LIFR: variants seen among roughly 807,000 people sequenced by gnomAD.
LIFR encodes leukemia inhibitory factor receptor.
LIFR carries 84 observed loss-of-function variants against 122.2 expected under a neutral mutation model. The observed-to-expected ratio is 0.69, with a 90% CI of 0.58 to 0.82. The LOEUF (loss-of-function observed/expected upper bound fraction) is 0.82. Ranked by LOEUF, LIFR falls within the 40% of genes least tolerant of loss-of-function variation. The pLI is 0.00. For synonymous variants in LIFR, 422 were observed against 434.7 expected, an observed-to-expected ratio of 0.97 and a Z score of 0.36; for missense variants, 1,294 against 1,311.6, an observed-to-expected ratio of 0.99 and a Z score of 0.21.
upstream of LIFR, among the ~76,000 whole-genome samples, chr5:38,599,351 T>C (rs1487962697): frequency 6.6e-6 from 1 of 152,170 alleles, no homozygotes; most frequent in African/African-American, 2.4e-5. Context: ...GCACCATTAC[T>C]GAAAGGGTCA....
chr5:38,547,000 G>A (rs756170129), intron 1 of LIFR, among the ~76,000 whole-genome samples: 6 of 152,174 alleles, frequency 3.9e-5, no homozygotes, highest in Admixed American at 6.5e-5. Flanking sequence ...TTGCTCTCCA[G>A]TCACCATTAC....
intron 1 of LIFR, among the ~76,000 whole-genome samples, chr5:38,576,708 A>G (rs779618420): frequency 1.3e-5 from 2 of 152,248 alleles, no homozygotes; most frequent in Non-Finnish European, 2.9e-5. Context: ...AGGTATCACA[A>G]TAGTGTCAGC....
chr5:38,564,823 G>A (rs1392519518), intron 1 of LIFR, among the ~76,000 whole-genome samples: 1 of 151,532 alleles, frequency 6.6e-6, no homozygotes, highest in East Asian at 1.9e-4. Flanking sequence ...ACCCAGGCTG[G>A]AGTGCAGTGG....
chr5:38,493,920 C>T (rs1017348347), intron 13 of LIFR, 135 bp from the exon 14 acceptor site: 1 of 735,204 alleles, frequency 1.4e-6, no homozygotes. Flanking sequence ...CTAGATAAAC[C>T]TAGAGCAAAG....
upstream of LIFR, chr5:38,557,298 A>T (rs1052943490): frequency 1.3e-5 from 2 of 152,088 alleles, no homozygotes; most frequent in African/African-American, 4.8e-5. Context: ...GAAGAAACGG[A>T]TCTCTTAATG....
intron 18 of LIFR, among the ~76,000 whole-genome samples, chr5:38,483,976 C>A (rs1040293091): frequency 6.6e-6 from 1 of 152,174 alleles, no homozygotes; most frequent in East Asian, 1.9e-4. Flanking sequence ...CTCTCTCCCA[C>A]GGAGCTCCCG....
chr5:38,555,652 A>G (rs575191818), intron 1 of LIFR, among the ~76,000 whole-genome samples: 1 of 150,734 alleles, frequency 6.6e-6, no homozygotes, highest in African/African-American at 2.4e-5. Flanking sequence ...ACATTCAAAA[A>G]GGAACACAAA....
chr5:38,500,082 C>T (rs1478437965), intron 11 of LIFR, among the ~76,000 whole-genome samples: 1 of 152,190 alleles, frequency 6.6e-6, no homozygotes, highest in African/African-American at 2.4e-5. Flanking sequence ...TTCACCCCCT[C>T]CTTATCCCTC....
intron 12 of LIFR, among the ~76,000 whole-genome samples, chr5:38,499,107 G>A (rs188939589): frequency 3.3e-5 from 5 of 151,878 alleles, no homozygotes; most frequent in Admixed American, 6.6e-5. Flanking sequence ...CTTTATAACT[G>A]GCATGTTATA....
intron 1 of LIFR, among the ~76,000 whole-genome samples, chr5:38,572,724 T>C (rs1407853751): frequency 6.6e-6 from 1 of 152,200 alleles, no homozygotes; most frequent in African/African-American, 2.4e-5. Flanking sequence ...TTGCCATGGT[T>C]GTTAACAATA....
intron 1 of LIFR, among the ~76,000 whole-genome samples, chr5:38,588,445 A>G (rs1190255197): frequency 6.6e-6 from 1 of 152,190 alleles, no homozygotes; most frequent in Non-Finnish European, 1.5e-5. Context: ...AAATACTTTT[A>G]TTGACCTCAT....
chr5:38,542,819 C>T (rs775899743), intron 1 of LIFR, among the ~76,000 whole-genome samples: 26 of 152,282 alleles, frequency 1.7e-4, no homozygotes, highest in Middle Eastern at 3.4e-3. Flanking sequence ...AATATCAACT[C>T]GTCCTTCAAA....
At chr5:38,484,294 C>G (rs1291974312) in intron 18 of LIFR, among the ~76,000 whole-genome samples, 1 of 152,186 alleles carries the variant, frequency 6.6e-6, no homozygotes, top group Admixed American at 6.5e-5. Flanking sequence ...TGTCCCTCTT[C>G]CCACACTGTG....
chr5:38,567,289 C>A (rs1749054501), intron 1 of LIFR, among the ~76,000 whole-genome samples: 1 of 152,048 alleles, frequency 6.6e-6, no homozygotes, highest in African/African-American at 2.4e-5. Context: ...GGAGACAGAC[C>A]AAATTCTGGG....
chr5:38,597,914 A>C (rs557400734), upstream of LIFR, among the ~76,000 whole-genome samples: 3 of 152,316 alleles, frequency 2.0e-5, no homozygotes, highest in East Asian at 5.8e-4. Flanking sequence ...CATAAAGCAC[A>C]TACAGTGCAT....
intron 1 of LIFR, among the ~76,000 whole-genome samples, chr5:38,573,221 A>G (rs369735163): frequency 6.6e-6 from 1 of 152,240 alleles, no homozygotes; most frequent in African/African-American, 2.4e-5. Flanking sequence ...TCTGGAAGCT[A>G]GAAGTAGCCA....
chr5:38,493,204 G>C (rs1455056826), intron 14 of LIFR, among the ~76,000 whole-genome samples: 1 of 151,612 alleles, frequency 6.6e-6, no homozygotes. Flanking sequence ...CCAGGCTACA[G>C]TTCCGTAGTT....
At position 38,506,525 on chromosome 5, in the gene LIFR, T is replaced by C. The variant is rs1580063331; in HGVS notation, c.1099A>G (p.Thr367Ala). 8 of 1,614,144 alleles carry C rather than the reference T, an allele frequency of 5.0e-6. No individual in the cohort carries two copies. The highest frequency in any genetic ancestry group is 2.2e-5 in the East Asian group (1 of 44,860). ...TACCTTTCAACTAAAGTGTAGCTTG[T>C]AGCACGTGGGCCCACCAACGCTGTC... The part of the protein sequence containing the change: ...RVTALVGPRA[T>A]SYTLVESFSG... The change falls in exon 8 of 20, where the codon ACA becomes GCA. Residue 367 changes from threonine to alanine, a missense_variant. Thr to Ala is a moderately conservative substitution (Grantham distance 58). Coordinates refer to ENST00000453190, the MANE Select transcript of LIFR (RefSeq NM_001127671.2).
At position 38,504,189 on chromosome 5, in the gene LIFR, T is replaced by C. The variant is rs911269814; in HGVS notation, c.1292-68A>G. 13 of 1,131,544 alleles carry C rather than the reference T, an allele frequency of 1.1e-5. No homozygotes were observed. The South Asian group carries it at 1.7e-4, about 15-fold the overall frequency. 70.1% of individuals were successfully genotyped at this position (1,131,544 alleles called of 1,614,324 possible). On this transcript the variant is annotated intron_variant, in intron 9 of 19. Transcript: ENST00000453190. ...AAAAACTATCTTCTAATATGACAAATGAGAAGAAAACATAAAAAACAACGA... is the reference window on the plus strand; with the variant it reads ...AAAAACTATCTTCTAATATGACAAACGAGAAGAAAACATAAAAAACAACGA...
Sources: gnomAD v4.1 joint callset for allele counts (sites outside exome capture counted in the v4.1 genomes callset) on GRCh38, gnomAD v4.1.1 for gene constraint, MANE v1.5 for transcripts, NCBI Gene and HGNC (gene_info 2026-07-23, HGNC 2026-07-21) for gene names.